The following CNTN5 variants were observed in gnomAD, a reference collection of about 807,000 sequenced individuals.
The protein encoded by CNTN5 is contactin-5.
In CNTN5, 77 loss-of-function variants were observed where a neutral mutation model predicts 129.1. That is an observed-to-expected ratio of 0.60 (90% confidence interval 0.50 to 0.72). CNTN5 has a LOEUF of 0.72. Among genes scored for constraint, CNTN5 ranks in the 30% least tolerant of loss-of-function variants. The probability of loss-of-function intolerance (pLI) is 0.00; values close to 1 mark genes in which losing one functional copy is unlikely to be tolerated. For missense variants in CNTN5, 1,478 were observed against 1,328.8 expected (o/e 1.11, Z -1.75); for synonymous variants, 509 against 465.6 (o/e 1.09, Z -1.20).
intron 3 of CNTN5, among the ~76,000 whole-genome samples, chr11:99,777,445 G>A (rs1246712315): frequency 6.6e-6 from 1 of 151,840 alleles, no homozygotes; most frequent in African/African-American, 2.4e-5. Flanking sequence ...AAAATTAAGA[G>A]AGTAAACGAT....
intron 1 of CNTN5, among the ~76,000 whole-genome samples, chr11:99,035,120 C>G (rs1863643515): frequency 6.6e-6 from 1 of 151,166 alleles, no homozygotes; most frequent in Admixed American, 6.6e-5. Flanking sequence ...TTTGATTGCA[C>G]TGTGGTCTGA....
chr11:99,304,877 G>T (rs1461673), intron 1 of CNTN5, among the ~76,000 whole-genome samples: 39,147 of 152,078 alleles, frequency 0.26, 5,730 homozygotes, highest in Middle Eastern at 0.36. Context: ...AGTTGTGACT[G>T]TGTCTCTACT....
intron 21 of CNTN5, among the ~76,000 whole-genome samples, chr11:100,310,338 T>C (rs538374288): frequency 6.6e-6 from 1 of 151,994 alleles, no homozygotes; most frequent in South Asian, 2.1e-4. Flanking sequence ...CCTCAAGCTT[T>C]TTTTATACCT....
intron 2 of CNTN5, among the ~76,000 whole-genome samples, chr11:99,427,509 G>A (rs1591037727): frequency 6.6e-6 from 1 of 152,112 alleles, no homozygotes; most frequent in Admixed American, 6.5e-5. Context: ...GCTCACGCCT[G>A]TTATCCCAGC....
intron 20 of CNTN5, among the ~76,000 whole-genome samples, chr11:100,307,283 G>A (rs1182376697): frequency 6.6e-6 from 1 of 151,482 alleles, no homozygotes; most frequent in East Asian, 1.9e-4. Flanking sequence ...CAGTGATAAA[G>A]GGTTAGTACC....
At chr11:99,647,791 T>A (rs1262950086) in intron 3 of CNTN5, among the ~76,000 whole-genome samples, 2 of 151,874 alleles carry the variant, frequency 1.3e-5, no homozygotes, top group African/African-American at 4.8e-5. Context: ...GCATTTTATT[T>A]TTTTTTTGTA....
chr11:100,159,944 A>ATACTT (rs773854101), intron 13 of CNTN5, among the ~76,000 whole-genome samples: 14 of 151,796 alleles, frequency 9.2e-5, no homozygotes, highest in Non-Finnish European at 1.5e-4. Context: ...TTTCATATAT[A>ATACTT]TACTTTAAGT....
chr11:99,881,056 G>A (rs1350715413), intron 6 of CNTN5, among the ~76,000 whole-genome samples: 1 of 152,090 alleles, frequency 6.6e-6, no homozygotes, highest in East Asian at 1.9e-4. Context: ...ATTAAAACTG[G>A]CAGCAATTAT....
intron 18 of CNTN5, among the ~76,000 whole-genome samples, chr11:100,289,561 G>A (rs376269129): frequency 1.6e-4 from 25 of 151,958 alleles, no homozygotes; most frequent in African/African-American, 4.4e-4. Flanking sequence ...ATTCAACAAC[G>A]CTTCATGCTA....
chr11:99,153,987 T>C (rs1324531089), intron 1 of CNTN5, among the ~76,000 whole-genome samples: 1 of 152,124 alleles, frequency 6.6e-6, no homozygotes, highest in Non-Finnish European at 1.5e-5. Flanking sequence ...TTGGCTTTGT[T>C]TTCTGGCCCC....
chr11:99,288,978 TA>T (rs1173645094), intron 1 of CNTN5, among the ~76,000 whole-genome samples: 1 of 151,822 alleles, frequency 6.6e-6, no homozygotes, highest in Non-Finnish European at 1.5e-5. Flanking sequence ...AGAGCTATCA[TA>T]AAAGAGTAGC....
intron 3 of CNTN5, among the ~76,000 whole-genome samples, chr11:99,638,538 G>T (rs1002267349): frequency 2.0e-4 from 30 of 152,234 alleles, no homozygotes; most frequent in African/African-American, 7.2e-4. Context: ...TTCTGCCTAT[G>T]AGCCTGTAAA....
chr11:99,593,063 A>C (rs989631559), intron 3 of CNTN5, among the ~76,000 whole-genome samples: 2 of 152,222 alleles, frequency 1.3e-5, no homozygotes, highest in Non-Finnish European at 2.9e-5. Flanking sequence ...AGAATGTGTA[A>C]ATAAATGATT....
chr11:99,474,781 A>T (rs7951241), intron 2 of CNTN5, among the ~76,000 whole-genome samples: 29,966 of 152,120 alleles, frequency 0.2, 3,148 homozygotes, highest in Admixed American at 0.24. Context: ...AGGTTTCCAC[A>T]TTTGGTTTTC....
chr11:99,727,033 G>A (rs1370875290), intron 3 of CNTN5, among the ~76,000 whole-genome samples: 4 of 151,198 alleles, frequency 2.6e-5, no homozygotes, highest in African/African-American at 4.9e-5. Context: ...ATGGCCGGGC[G>A]CGGTGGCTCA....
At chr11:99,608,993 A>G (rs1253435579) in intron 3 of CNTN5, among the ~76,000 whole-genome samples, 1 of 152,080 alleles carries the variant, frequency 6.6e-6, no homozygotes, top group African/African-American at 2.4e-5. Context: ...ATAAATATGC[A>G]CCCCATTTTC....
chr11:99,585,143 A>G (rs1444429520), intron 3 of CNTN5, among the ~76,000 whole-genome samples: 1 of 152,238 alleles, frequency 6.6e-6, no homozygotes, highest in Non-Finnish European at 1.5e-5. Flanking sequence ...TCTAATCTAT[A>G]AGACAGATGA....
At chr11:100,051,276 A>G (rs1942940781) in intron 9 of CNTN5, among the ~76,000 whole-genome samples, 1 of 152,134 alleles carries the variant, frequency 6.6e-6, no homozygotes, top group African/African-American at 2.4e-5. Context: ...CCTAAAAAAG[A>G]CTAAAAACGA....
chr11:99,396,309 A>G (rs1393358236), intron 2 of CNTN5, among the ~76,000 whole-genome samples: 20 of 151,656 alleles, frequency 1.3e-4, no homozygotes. Flanking sequence ...GAGGAAATAA[A>G]AATACCCAAA....
Sources: gnomAD v4.1 joint callset for allele counts (sites outside exome capture counted in the v4.1 genomes callset) on GRCh38, gnomAD v4.1.1 for gene constraint, MANE v1.5 for transcripts, NCBI Gene and HGNC (gene_info 2026-07-23, HGNC 2026-07-21) for gene names.